Variants in ZNF423 observed in about 807,000 individuals in gnomAD.
The protein encoded by ZNF423 is Ebf-associated zinc finger protein.
ZNF423 carries 12 observed loss-of-function variants against 95.8 expected under a neutral mutation model. The observed-to-expected ratio is 0.13, with a 90% CI of 0.08 to 0.20. The LOEUF (loss-of-function observed/expected upper bound fraction) is 0.20, where lower values mean the gene tolerates loss of function less well. Among genes scored for constraint, ZNF423 ranks in the 10% least tolerant of loss-of-function variants. The probability of loss-of-function intolerance (pLI) is 1.00; values close to 1 mark genes in which losing one functional copy is unlikely to be tolerated. For missense variants in ZNF423, 1,316 were observed against 1,737.1 expected (o/e 0.76, Z 4.31); for synonymous variants, 749 against 711.9 (o/e 1.05, Z -0.83).
chr16:49,540,846 C>T lies in ZNF423; in HGVS notation c.3602-15352G>A, dbSNP rs184896561. Among the ~76,000 whole-genome samples the T allele has an allele frequency of 2.0e-5, 3 of 152,284 alleles. No individual in the cohort carries two copies. The East Asian group carries it at 5.8e-4, about 29-fold the overall frequency. ...ATGTGGATGGCTCCCTTCTCCTCAT[C>T]CAGAGCTGAGAAAAGTAGGAATCCA... On this transcript the variant is annotated intron_variant, in intron 5 of 7. Transcript: ENST00000563137.
At chr16:49,810,110 G>A (rs1255593990) in intron 1 of ZNF423, among the ~76,000 whole-genome samples, 2 of 152,118 alleles carry the variant, frequency 1.3e-5, no homozygotes, top group Non-Finnish European at 2.9e-5. Flanking sequence ...ACAGGGAGAG[G>A]CCCCAGAGGT....
intron 2 of ZNF423, among the ~76,000 whole-genome samples, chr16:49,735,089 A>G (rs771306747): frequency 6.6e-6 from 1 of 152,118 alleles, no homozygotes; most frequent in Non-Finnish European, 1.5e-5. Flanking sequence ...AAACCCCTCA[A>G]AGTCCCATGT....
At chr16:49,549,559 T>A (rs1327280139) in intron 5 of ZNF423, among the ~76,000 whole-genome samples, 1 of 152,006 alleles carries the variant, frequency 6.6e-6, no homozygotes, top group African/African-American at 2.4e-5. Context: ...AGGTGACAGG[T>A]CTGGGACCAC....
At chr16:49,833,845 G>C (rs1271289847) in intron 1 of ZNF423, among the ~76,000 whole-genome samples, 2 of 152,070 alleles carry the variant, frequency 1.3e-5, no homozygotes, top group Non-Finnish European at 2.9e-5. Flanking sequence ...TGGGCAGGGA[G>C]GGCAGGGAGG....
intron 3 of ZNF423, among the ~76,000 whole-genome samples, chr16:49,640,519 C>T (rs1411400551): frequency 1.3e-5 from 2 of 152,162 alleles, no homozygotes; most frequent in African/African-American, 4.8e-5. Context: ...AAAGAGAGAA[C>T]AAAGGCTGAT....
chr16:49,534,864 G>A (rs1969000148), intron 5 of ZNF423, among the ~76,000 whole-genome samples: 1 of 152,166 alleles, frequency 6.6e-6, no homozygotes, highest in Non-Finnish European at 1.5e-5. Flanking sequence ...CGAAACTCGT[G>A]TCCAGATTTT....
intron 1 of ZNF423, among the ~76,000 whole-genome samples, chr16:49,844,156 C>A (rs1180855603): frequency 6.6e-6 from 1 of 151,362 alleles, no homozygotes; most frequent in Non-Finnish European, 1.5e-5. Context: ...GTGACTCGCA[C>A]CTATAGTCCC....
chr16:49,707,086 G>A (rs771280030), intron 3 of ZNF423, among the ~76,000 whole-genome samples: 2 of 152,018 alleles, frequency 1.3e-5, no homozygotes, highest in Admixed American at 6.6e-5. Flanking sequence ...CATGGCCTGC[G>A]AGGCACTATG....
At position 49,523,690 on chromosome 16, in the gene ZNF423, C is replaced by A. The variant is rs531186395; in HGVS notation, c.3783G>T (p.Gly1261=). Residue 1261 remains glycine, a synonymous_variant, in exon 7 of 8, where the codon GGG becomes GGT. Coordinates refer to ENST00000563137, the MANE Select transcript of ZNF423 (RefSeq NM_001379286.1). ...KLQQHIFAVH[G]QEDKIYDCSQ... is the part of the protein sequence containing the mutation. ...AGCAGTCGTAGATCTTGTCCTCCTGCCCGTGCACGGCAAAGATGTGCTGCT... is the reference window on the plus strand; with the variant it reads ...AGCAGTCGTAGATCTTGTCCTCCTGACCGTGCACGGCAAAGATGTGCTGCT... 1.2e-6 allele frequency: 2 copies of A among 1,614,020 alleles called. No homozygotes were observed. The highest frequency in any genetic ancestry group is 1.1e-5 in the South Asian group (1 of 91,088).
At chr16:49,538,633 C>T (rs1158428240) in intron 5 of ZNF423, among the ~76,000 whole-genome samples, 1 of 152,182 alleles carries the variant, frequency 6.6e-6, no homozygotes, top group African/African-American at 2.4e-5. Context: ...ACCTAACACC[C>T]CTACTTTTGG....
In ZNF423 at chr16:49,728,826, G is replaced by A. The variant is rs977376998; in HGVS notation, c.301+1945C>T. ...TGGCTCACCGCAACCTCCATCTCCCGGGTTCAAGCGATTCTTTTGCCTCAG... is the reference window on the plus strand; with the variant it reads ...TGGCTCACCGCAACCTCCATCTCCCAGGTTCAAGCGATTCTTTTGCCTCAG... On this transcript the variant is annotated intron_variant, in intron 3 of 7. Coordinates refer to ENST00000563137, the MANE Select transcript of ZNF423 (RefSeq NM_001379286.1). Among the ~76,000 whole-genome samples the A allele has an allele frequency of 7.2e-5, 11 of 152,248 alleles. No homozygotes were observed. In the South Asian group the frequency reaches 8.3e-4, roughly 11 times the overall value.
In ZNF423 at chr16:49,610,999, A is replaced by T. The variant is rs897240953; in HGVS notation, c.3601+15171T>A. Among the ~76,000 whole-genome samples, 7 of 152,244 alleles carry T rather than the reference A, an allele frequency of 4.6e-5. No individual in the cohort carries two copies. The East Asian group carries it at 1.2e-3, about 25-fold the overall frequency. On this transcript the variant is annotated intron_variant, in intron 5 of 7. Transcript: ENST00000563137. ...ATGCACCAAACAACAGAGCTGCAAA[A>T]TATGCTAAGCAAAAGCTAATAGAGC...
chr16:49,790,706 C>A (rs982161286), intron 1 of ZNF423, among the ~76,000 whole-genome samples: 3 of 152,234 alleles, frequency 2.0e-5, no homozygotes, highest in Non-Finnish European at 4.4e-5. Flanking sequence ...CACAGCCCAC[C>A]TTCAAATCTC....
At chr16:49,499,739 G>A (rs1235978461) in intron 7 of ZNF423, among the ~76,000 whole-genome samples, 4 of 152,222 alleles carry the variant, frequency 2.6e-5, no homozygotes, top group South Asian at 2.1e-4. Flanking sequence ...CTCTTCCCTC[G>A]CATGAAAACG....
At chr16:49,856,361 G>A (rs778489456), upstream of ZNF423, among the ~76,000 whole-genome samples, 1 of 148,456 alleles carries the variant, frequency 6.7e-6, no homozygotes, top group Non-Finnish European at 1.5e-5. Context: ...GGCTGGAGTC[G>A]AGGGTATCTC....
chr16:49,496,064 C>T (rs1249507063), intron 7 of ZNF423, among the ~76,000 whole-genome samples: 1 of 152,248 alleles, frequency 6.6e-6, no homozygotes, highest in African/African-American at 2.4e-5. Flanking sequence ...GTCCTAGCAC[C>T]TTGCCTTGTC....
intron 1 of ZNF423, among the ~76,000 whole-genome samples, chr16:49,805,927 G>A (rs995268949): frequency 2.6e-5 from 4 of 152,262 alleles, no homozygotes; most frequent in Non-Finnish European, 2.9e-5. Context: ...TGCAATGTGT[G>A]CGGAAAATTC....
At chr16:49,816,480 G>A (rs987080774) in intron 1 of ZNF423, among the ~76,000 whole-genome samples, 4 of 152,098 alleles carry the variant, frequency 2.6e-5, no homozygotes, top group Non-Finnish European at 4.4e-5. Flanking sequence ...TGCTCTCCCT[G>A]GATATTCTTT....
At chr16:49,701,159 CT>C (rs2032167838) in intron 3 of ZNF423, among the ~76,000 whole-genome samples, 1 of 152,170 alleles carries the variant, frequency 6.6e-6, no homozygotes, top group South Asian at 2.1e-4. Context: ...AGTCTTGTAA[CT>C]TTTAAAAAAA....
Sources: gnomAD v4.1 joint callset for allele counts (sites outside exome capture counted in the v4.1 genomes callset) on GRCh38, gnomAD v4.1.1 for gene constraint, MANE v1.5 for transcripts, NCBI Gene and HGNC (gene_info 2026-07-23, HGNC 2026-07-21) for gene names.